The following ASTN2 variants were observed in gnomAD, a reference collection of about 807,000 sequenced individuals.
ASTN2 encodes the protein astrotactin-2.
Under a neutral mutation model 139.8 loss-of-function variants are expected in ASTN2, and 54 were observed. The ratio of observed to expected loss-of-function variants is 0.39; its 90% confidence interval spans 0.31 to 0.48. The LOEUF is 0.48. Ranked by LOEUF, ASTN2 falls within the 20% of genes least tolerant of loss-of-function variation. ASTN2 has a pLI of 0.95. For synonymous variants in ASTN2, 756 were observed against 719.5 expected, an observed-to-expected ratio of 1.05 and a Z score of -0.81; for missense variants, 1,565 against 1,725.1, an observed-to-expected ratio of 0.91 and a Z score of 1.64.
At chr9:116,956,094 C>CTTTTTTTTTTTTTTTTT (rs71379245) in intron 10 of ASTN2, among the ~76,000 whole-genome samples, 1 of 119,154 alleles carries the variant, frequency 8.4e-6, no homozygotes, top group Non-Finnish European at 1.7e-5. Flanking sequence ...TTTTTCTTTT[C>CTTTTTTTTTTTTTTTTT]TTTTTTTTTT....
chr9:117,182,908 C>T (rs1205644718), intron 3 of ASTN2, among the ~76,000 whole-genome samples: 1 of 152,018 alleles, frequency 6.6e-6, no homozygotes, highest in Non-Finnish European at 1.5e-5. Flanking sequence ...TGAAACATCA[C>T]GTTGGGCCCC....
chr9:117,291,564 G>A (rs56025953), intron 1 of ASTN2, 51 bp from the exon 2 acceptor site: 53,165 of 1,509,066 alleles, frequency 0.035, 1,070 homozygotes, highest in Non-Finnish European at 0.042. Context: ...TGGCCTTGGT[G>A]CTCCAGGGAG....
chr9:116,847,553 A>C (rs1201507708), intron 11 of ASTN2, among the ~76,000 whole-genome samples: 1 of 152,192 alleles, frequency 6.6e-6, no homozygotes, highest in African/African-American at 2.4e-5. Flanking sequence ...GTAGCTCATT[A>C]ATAATAATAA....
At chr9:117,254,099 TTGGGCAAATGAC>T (rs1217398508) in intron 2 of ASTN2, among the ~76,000 whole-genome samples, 1 of 152,126 alleles carries the variant, frequency 6.6e-6, no homozygotes. Flanking sequence ...ATTTACTTCC[TTGGGCAAATGAC>T]TCCAACTATG....
chr9:116,699,803 C>A lies in ASTN2; in HGVS notation c.2806+25968G>T. ...CATGCAGAATAGACTCAGCCTATGTCCTGATTCCAGCTGGGTAGTTCTAGA... is the reference window on the plus strand; with the variant it reads ...CATGCAGAATAGACTCAGCCTATGTACTGATTCCAGCTGGGTAGTTCTAGA... On this transcript the variant is annotated intron_variant, in intron 16 of 22. Coordinates refer to ENST00000313400, the MANE Select transcript of ASTN2 (RefSeq NM_001365068.1). This position sits in a 1 kb window ranked among gnomAD's most constrained non-coding sequence, Gnocchi z 4.2. 1 of 1,535,732 alleles carries A rather than the reference C, an allele frequency of 6.5e-7. No homozygotes were observed. Among genetic ancestry groups the A allele is most frequent in the Non-Finnish European group, 9.0e-7 (1 of 1,115,116 alleles).
intron 17 of ASTN2, among the ~76,000 whole-genome samples, chr9:116,649,744 G>GT (rs1857802962): frequency 6.7e-6 from 1 of 149,516 alleles, no homozygotes; most frequent in South Asian, 2.1e-4. Flanking sequence ...GGGAATTTGG[G>GT]TTTTTTACAG....
intron 13 of ASTN2, among the ~76,000 whole-genome samples, chr9:116,760,336 C>T (rs1829644214): frequency 2.6e-5 from 4 of 152,214 alleles, no homozygotes; most frequent in African/African-American, 9.6e-5. Context: ...GGCACCAACA[C>T]TTGGTGGCCA....
chr9:116,925,593 G>A (rs28419279), intron 10 of ASTN2, among the ~76,000 whole-genome samples: 17,622 of 151,940 alleles, frequency 0.12, 1,372 homozygotes, highest in East Asian at 0.37. Context: ...GCTTGGGTCT[G>A]TCTCTGGGAA....
chr9:116,997,268 A>T (rs1395389376), intron 7 of ASTN2, among the ~76,000 whole-genome samples: 11 of 152,172 alleles, frequency 7.2e-5, no homozygotes, highest in Non-Finnish European at 1.6e-4. Context: ...AAATTTTATG[A>T]CCTCATCCTA....
At chr9:117,123,141 C>T (rs1443760237) in intron 4 of ASTN2, among the ~76,000 whole-genome samples, 3 of 152,190 alleles carry the variant, frequency 2.0e-5, no homozygotes, top group Admixed American at 1.3e-4. Flanking sequence ...AGGCTCCACC[C>T]TACAGTGGCA....
rs1848737708 is a variant in ASTN2 at position 116,469,137 on chromosome 9, G to C, written c.3497+18222C>G. ...CTGGGTTCCAAGAATGTAGTGCTGAGTTGTACAGAGAAAAAGGTACTCAAA... is the reference window on the plus strand; with the variant it reads ...CTGGGTTCCAAGAATGTAGTGCTGACTTGTACAGAGAAAAAGGTACTCAAA... On this transcript the variant is annotated intron_variant, in intron 20 of 22. Transcript: ENST00000313400. Among the ~76,000 whole-genome samples, 2 of 152,160 alleles carry C rather than the reference G, an allele frequency of 1.3e-5. 1 individual carries two copies. Among genetic ancestry groups the C allele is most frequent in the South Asian group, 4.1e-4 (2 of 4,824 alleles).
At chr9:116,664,630 A>T (rs1446240828) in intron 16 of ASTN2, among the ~76,000 whole-genome samples, 2 of 151,210 alleles carry the variant, frequency 1.3e-5, no homozygotes, top group Non-Finnish European at 2.9e-5. Flanking sequence ...ACTTTTTTTT[A>T]AAGCACAAAA....
chr9:117,139,817 G>T (rs1830031409), intron 4 of ASTN2, among the ~76,000 whole-genome samples: 1 of 152,196 alleles, frequency 6.6e-6, no homozygotes, highest in Non-Finnish European at 1.5e-5. Flanking sequence ...AATTGTGACT[G>T]TGACAATCAA....
rs746403476 is a variant in ASTN2 at position 116,618,346 on chromosome 9, G to A, written c.3333C>T (p.Tyr1111=). ...TACCTGTGTACAGGTCAGTGTCTGT[G>A]TATTCATCCACTTTCTTATGCTGCA... ...YILQHKKVDE[Y]TDTDLYTGEF... The change falls in exon 19 of 23, where the codon TAC becomes TAT. Residue 1111 remains tyrosine, a synonymous_variant. Transcript: ENST00000313400. 24 of 1,613,982 alleles carry A rather than the reference G, an allele frequency of 1.5e-5. No homozygotes were observed. The East Asian group carries it at 2.0e-4, about 13-fold the overall frequency.
intron 12 of ASTN2, among the ~76,000 whole-genome samples, chr9:116,808,356 TGGGG>T (rs1831084424): frequency 6.6e-6 from 1 of 151,760 alleles, no homozygotes; most frequent in African/African-American, 2.4e-5. Flanking sequence ...TCGACTAAAT[TGGGG>T]GGATTTATAT....
chr9:116,980,602 T>C (rs928366239), intron 7 of ASTN2, among the ~76,000 whole-genome samples: 1 of 152,148 alleles, frequency 6.6e-6, no homozygotes, highest in African/African-American at 2.4e-5. Context: ...GCACCAAGAC[T>C]CTGCTGTTTG....
chr9:116,556,111 G>A (rs918901943), intron 19 of ASTN2, among the ~76,000 whole-genome samples: 3 of 152,172 alleles, frequency 2.0e-5, no homozygotes, highest in Non-Finnish European at 4.4e-5. Flanking sequence ...TGCCCTCCAC[G>A]TACTTCATCT....
intron 3 of ASTN2, among the ~76,000 whole-genome samples, chr9:117,200,712 C>T (rs141299518): frequency 5.6e-4 from 85 of 152,136 alleles, no homozygotes; most frequent in African/African-American, 2.0e-3. Context: ...GGGATGAAGC[C>T]GACTTAATCA....
intron 1 of ASTN2, among the ~76,000 whole-genome samples, chr9:117,327,287 C>T (rs1289992850): frequency 2.6e-5 from 4 of 152,146 alleles, no homozygotes; most frequent in Non-Finnish European, 5.9e-5. Context: ...ACTCCCAACA[C>T]CGACAATTGA....
Sources: gnomAD v4.1 joint callset for allele counts (sites outside exome capture counted in the v4.1 genomes callset) on GRCh38, gnomAD v4.1.1 for gene constraint, Gnocchi (gnomAD v3.1) non-coding constraint, MANE v1.5 for transcripts, NCBI Gene and HGNC (gene_info 2026-07-23, HGNC 2026-07-21) for gene names.